The following COL27A1 variants were observed in gnomAD, a reference collection of about 807,000 sequenced individuals.
COL27A1 encodes the protein collagen alpha-1(XXVII) chain.
COL27A1 carries 106 observed loss-of-function variants against 251.3 expected under a neutral mutation model. That is an observed-to-expected ratio of 0.42 (90% CI 0.36 to 0.50). The LOEUF is 0.50. Among genes scored for constraint, COL27A1 ranks in the 20% least tolerant of loss-of-function variants. The pLI, the probability that COL27A1 is intolerant of heterozygous loss-of-function variation, is 0.00. For missense variants in COL27A1, 2,325 were observed against 2,522.8 expected, an observed-to-expected ratio of 0.92 and a Z score of 1.68; for synonymous variants, 1,000 against 986.3, an observed-to-expected ratio of 1.01 and a Z score of -0.26.
At chr9:114,183,250 G>C (rs1415251214) in intron 5 of COL27A1, among the ~76,000 whole-genome samples, 175 bp downstream of exon 5, 1 of 152,238 alleles carries the variant, frequency 6.6e-6, no homozygotes. Flanking sequence ...GCCTGGTCCG[G>C]AGACACAGTG....
intron 24 of COL27A1, 60 bp from the exon 25 acceptor site, chr9:114,250,555 G>A (rs373591152): frequency 1.4e-5 from 21 of 1,497,092 alleles, no homozygotes; most frequent in South Asian, 1.1e-4. Context: ...GGGAAGGAGC[G>A]GGAGGGCTGG....
chr9:114,264,841 A>G (rs983480710), intron 29 of COL27A1, 83 bp from the exon 30 acceptor site: 5 of 1,429,086 alleles, frequency 3.5e-6, no homozygotes, highest in South Asian at 2.6e-5. Context: ...GGTTCCTTTT[A>G]TCTCCCATGT....
Position 114,288,755 on chromosome 9 carries a change from T to C in COL27A1, c.4098T>C (p.Pro1366=), listed in dbSNP as rs759641267. 3.1e-6 allele frequency: 5 copies of C among 1,610,008 alleles called. No homozygotes were observed. The South Asian group carries it at 5.5e-5, about 18-fold the overall frequency. The change falls in exon 43 of 61, where the codon CCT becomes CCC. Residue 1366 remains proline (P), a splice_region_variant and synonymous_variant. Transcript: ENST00000356083. ...GGGAACCGGGAGACCCTGGGTACCC[T>C]GTAAGTATCAGAGCTCCTACCTGCT... ...DRGEPGDPGY[P]GQEGVQGLRG... is the part of the protein sequence containing the mutation.
chr9:114,154,651 A>G (rs1469598), upstream of COL27A1, among the ~76,000 whole-genome samples: 54,758 of 151,794 alleles, frequency 0.36, 10,591 homozygotes, highest in South Asian at 0.52. The surrounding 1 kb of genome is among the most constrained non-coding windows in gnomAD (Gnocchi z 5.8). Context: ...GTAGAGTATC[A>G]GCGTGCGCCT....
At chr9:114,244,150 C>T (rs1832955629) in intron 23 of COL27A1, among the ~76,000 whole-genome samples, 1 of 151,956 alleles carries the variant, frequency 6.6e-6, no homozygotes, top group Non-Finnish European at 1.5e-5. Flanking sequence ...TGCAGTGGCT[C>T]ACACCTGTAA....
At chr9:114,187,423 C>T (rs1452897974) in intron 5 of COL27A1, among the ~76,000 whole-genome samples, 3 of 152,226 alleles carry the variant, frequency 2.0e-5, no homozygotes, top group African/African-American at 2.4e-5. Flanking sequence ...GGCCAGGCCC[C>T]GGCCAAGAGC....
chr9:114,217,247 C>T (rs1470799592), intron 12 of COL27A1, among the ~76,000 whole-genome samples: 1 of 152,250 alleles, frequency 6.6e-6, no homozygotes, highest in Non-Finnish European at 1.5e-5. Flanking sequence ...CTTGCTTATA[C>T]CTCAGAGACA....
At chr9:114,310,479 G>A (rs1422071211) in intron 60 of COL27A1, 70 bp from the exon 61 acceptor site, 6 of 1,557,488 alleles carry the variant, frequency 3.9e-6, no homozygotes, top group Non-Finnish European at 5.3e-6. Context: ...AAAGATGGAA[G>A]GGAAAATGCT....
intron 25 of COL27A1, among the ~76,000 whole-genome samples, chr9:114,251,993 A>G (rs1348129549): frequency 6.6e-6 from 1 of 152,188 alleles, no homozygotes; most frequent in Non-Finnish European, 1.5e-5. Context: ...TGCTCAATAG[A>G]TATTTGCTGG....
intron 3 of COL27A1, 135 bp from the exon 4 acceptor site, chr9:114,178,156 C>T: frequency 1.4e-6 from 1 of 696,692 alleles, no homozygotes; most frequent in Admixed American, 2.2e-5. Flanking sequence ...AGGGCAGGGA[C>T]CTCAGGGGAC....
rs768488989 is a variant in COL27A1 at position 114,290,138 on chromosome 9, G to A, written c.4260+27G>A. 1 of 1,610,826 alleles carries A rather than the reference G, an allele frequency of 6.2e-7. No individual in the cohort carries two copies. The highest frequency in any genetic ancestry group is 8.5e-7 in the Non-Finnish European group (1 of 1,179,250). On this transcript the variant is annotated intron_variant, in intron 46 of 60. Transcript: ENST00000356083. This position sits in a 1 kb window ranked among gnomAD's most constrained non-coding sequence, Gnocchi z 4.6. The stretch of plus-strand genomic sequence containing the variant: ...TGAGTGACTACAGCTGCTGTTTCCA[G>A]CCAACCTCCCTGCCCGCCCCCCACA...
intron 7 of COL27A1, among the ~76,000 whole-genome samples, chr9:114,197,130 G>A (rs1038738583): frequency 5.3e-5 from 8 of 152,132 alleles, no homozygotes; most frequent in African/African-American, 1.7e-4. Flanking sequence ...ATCCCCAACC[G>A]CTGATGGATT....
At chr9:114,163,265 T>C (rs916320590) in intron 2 of COL27A1, among the ~76,000 whole-genome samples, 1 of 152,046 alleles carries the variant, frequency 6.6e-6, no homozygotes, top group Non-Finnish European at 1.5e-5. Flanking sequence ...GAAGTTTTTG[T>C]AAAAGGGTAG....
At chr9:114,279,567 A>G (rs1835778740) in intron 37 of COL27A1, among the ~76,000 whole-genome samples, 1 of 152,250 alleles carries the variant, frequency 6.6e-6, no homozygotes, top group Admixed American at 6.5e-5. Context: ...GGGCCAGTGC[A>G]GTGACTCATG....
At chr9:114,289,961 C>T (rs914922018) in intron 45 of COL27A1, 97 bp from the exon 46 acceptor site, 1 of 1,362,622 alleles carries the variant, frequency 7.3e-7, no homozygotes, top group African/African-American at 1.4e-5. Context: ...AGATGTTCAC[C>T]CAGGGGCCCA....
intron 15 of COL27A1, 83 bp from the exon 16 acceptor site, chr9:114,231,739 G>A: frequency 7.1e-7 from 1 of 1,408,182 alleles, no homozygotes; most frequent in South Asian, 1.2e-5. Context: ...ACGGGGTCTT[G>A]CAGCAAGTCG....
Position 114,265,428 on chromosome 9 carries a change from C to G in COL27A1, c.3346C>G (p.Pro1116Ala). The G allele has an allele frequency of 6.2e-7, 1 of 1,613,810 alleles. No homozygotes were observed. The highest frequency in any genetic ancestry group is 8.5e-7 in the Non-Finnish European group (1 of 1,179,920). Residue 1116 changes from proline to alanine, a missense_variant, in exon 32 of 61, where the codon CCG (proline) becomes GCG (alanine). By Grantham distance (27) the Pro-to-Ala change is conservative (BLOSUM62 -1). This residue lies in a region of COL27A1 where 662 missense variants were observed against 795.3 expected (regional missense o/e 0.83). Coordinates refer to ENST00000356083, the MANE Select transcript of COL27A1 (RefSeq NM_032888.4). ...CTTTACCTTGTCTCTGCAGGGCATC[C>G]CGGGTCCCTCAGGCCCCCCAGGCAC... ...HLGSRGFPGI[P>A]GPSGPPGTKG...
rs149144397 is a variant in COL27A1 at position 114,174,716 on chromosome 9, C to T, written c.1909-3575C>T. 1.5e-3 allele frequency among the ~76,000 whole-genome samples: 229 copies of T among 152,262 alleles called. 2 individuals are homozygous for T. Among genetic ancestry groups the T allele is most frequent in the African/African-American group, 5.2e-3 (214 of 41,540 alleles). On this transcript the variant is annotated intron_variant, in intron 3 of 60. Transcript: ENST00000356083. ...TTTCACAGCTGGACAAACTAAGGCC[C>T]GGAGGCCCAGGGAGATTAAGTAACT...
intron 3 of COL27A1, among the ~76,000 whole-genome samples, chr9:114,172,736 A>G (rs10817576): frequency 0.69 from 104,175 of 151,882 alleles, 35,978 homozygotes; most frequent in South Asian, 0.84. Context: ...GGAGGTTGTG[A>G]TGAGCCGAGA....
Sources: allele counts gnomAD v4.1 joint callset (sites outside exome capture counted in the v4.1 genomes callset), GRCh38; gene constraint gnomAD v4.1.1; regional missense constraint gnomAD v4.1.1; non-coding constraint Gnocchi (gnomAD v3.1); transcripts MANE v1.5; gene names NCBI Gene and HGNC (gene_info 2026-07-23, HGNC 2026-07-21).